MEF2B: variants seen among roughly 807,000 people sequenced by gnomAD.
The protein encoded by MEF2B is myocyte enhancer factor 2B.
MEF2B carries 15 observed loss-of-function variants against 32.2 expected under a neutral mutation model. The ratio of observed to expected loss-of-function variants is 0.47; its 90% CI spans 0.31 to 0.72. The LOEUF (loss-of-function observed/expected upper bound fraction) is 0.72. Ranked by LOEUF, MEF2B falls within the 30% of genes least tolerant of loss-of-function variation. The pLI, the probability that MEF2B is intolerant of heterozygous loss-of-function variation, is 0.05. For synonymous variants in MEF2B, 205 were observed against 225.6 expected, an observed-to-expected ratio of 0.91 and a Z score of 0.82; for missense variants, 441 against 511.5, an observed-to-expected ratio of 0.86 and a Z score of 1.33.
At chr19:19,156,206 T>G (rs547508586) in intron 1 of MEF2B, among the ~76,000 whole-genome samples, 1 of 152,232 alleles carries the variant, frequency 6.6e-6, no homozygotes, top group African/African-American at 2.4e-5. Context: ...AGTAGAAAGC[T>G]TAAGTAGACC....
At chr19:19,159,241 TAA>T (rs35056015) in intron 1 of MEF2B, among the ~76,000 whole-genome samples, 10 of 88,006 alleles carry the variant, frequency 1.1e-4, no homozygotes, top group African/African-American at 3.2e-4. Context: ...GTGCGTGGCC[TAA>T]AAAAAAAAAA....
At chr19:19,150,255 C>A (rs994673192) in intron 2 of MEF2B, among the ~76,000 whole-genome samples, 16 of 150,440 alleles carry the variant, frequency 1.1e-4, no homozygotes, top group African/African-American at 2.0e-4. Flanking sequence ...ACAGACCAGG[C>A]GCGGTGGCTC....
intron 1 of MEF2B, among the ~76,000 whole-genome samples, chr19:19,163,647 TTC>T (rs145649878): frequency 0.031 from 4,776 of 152,114 alleles, 124 homozygotes; most frequent in East Asian, 0.089. Context: ...TTGCTCAGTT[TTC>T]TGTTTTTCTT....
At position 19,158,344 on chromosome 19, in the gene MEF2B, G is replaced by T. The variant is rs62135493; in HGVS notation, c.-29-7580C>A. ...CTCAGGTGATCTGCCCACCTCAGGG[G>T]CCAAAGTGCTGGGATTACAGGCGTG... On this transcript the variant is annotated intron_variant, in intron 1 of 8. Transcript: ENST00000424583. Among the ~76,000 whole-genome samples the T allele has an allele frequency of 1.4e-5, 2 of 147,226 alleles. 1 individual carries two copies. Among genetic ancestry groups the T allele is most frequent in the Admixed American group, 1.3e-4 (2 of 14,890 alleles).
At chr19:19,165,846 C>T (rs2060203602) in intron 1 of MEF2B, among the ~76,000 whole-genome samples, 1 of 152,118 alleles carries the variant, frequency 6.6e-6, no homozygotes, top group Admixed American at 6.5e-5. Flanking sequence ...TACAATCCAC[C>T]TCCATTTCTC....
At chr19:19,170,036 C>A (rs921346149) in intron 1 of MEF2B, among the ~76,000 whole-genome samples, 169 bp downstream of exon 1, 1 of 152,144 alleles carries the variant, frequency 6.6e-6, no homozygotes, top group Admixed American at 6.5e-5. Flanking sequence ...GGAGACACAA[C>A]CCCCTCCTGC....
chr19:19,147,385 T>A lies in MEF2B; in HGVS notation c.394-202A>T, dbSNP rs1167841538. On this transcript the variant is annotated intron_variant, in intron 4 of 8. Transcript: ENST00000424583. ...AGCTTCTGTCTGGCTCTGCCTGTCC[T>A]TGACAGGTAGGTCCAGAGCCAAGAC... is the stretch of plus-strand genomic sequence containing the variant. 7.0e-4 allele frequency among the ~76,000 whole-genome samples: 57 copies of A among 81,700 alleles called. 16 individuals are homozygous for A. The Admixed American group carries it at 7.3e-3, about 11-fold the overall frequency. 53.6% of individuals were successfully genotyped at this position (81,700 alleles called of 152,430 possible).
intron 1 of MEF2B, among the ~76,000 whole-genome samples, chr19:19,158,604 A>G (rs1208071741): frequency 6.7e-6 from 1 of 149,760 alleles, no homozygotes; most frequent in Non-Finnish European, 1.5e-5. Context: ...GGAAAAAAAA[A>G]AAAAAATTAG....
At chr19:19,164,124 T>C (rs548495177) in intron 1 of MEF2B, among the ~76,000 whole-genome samples, 1 of 152,076 alleles carries the variant, frequency 6.6e-6, no homozygotes, top group Non-Finnish European at 1.5e-5. Flanking sequence ...GCCCCCACCA[T>C]GCCCAGCTAA....
At chr19:19,150,353 C>A (rs1420620268) in intron 2 of MEF2B, among the ~76,000 whole-genome samples, 1 of 151,776 alleles carries the variant, frequency 6.6e-6, no homozygotes, top group Admixed American at 6.6e-5. Context: ...CATGGTGAAA[C>A]CCCGTCTCTA....
intron 4 of MEF2B, 128 bp downstream of exon 4, chr19:19,147,570 C>T (rs575464062): frequency 1.3e-6 from 2 of 1,533,104 alleles, no homozygotes; most frequent in Non-Finnish European, 1.8e-6. Context: ...TCCTGACCAA[C>T]CAGGTAGAGA....
chr19:19,148,557 C>T (rs542043354), intron 3 of MEF2B, among the ~76,000 whole-genome samples: 2 of 152,146 alleles, frequency 1.3e-5, no homozygotes, highest in Non-Finnish European at 2.9e-5. Context: ...GGACCCCAAC[C>T]TCTTCTTTGC....
At chr19:19,148,710 TA>T (rs2060048001) in intron 3 of MEF2B, among the ~76,000 whole-genome samples, 1 of 151,172 alleles carries the variant, frequency 6.6e-6, no homozygotes, top group African/African-American at 2.4e-5. Context: ...TTTATTTATT[TA>T]TTTATTTATT....
rs1249937069 is a variant in MEF2B at position 19,145,805 on chromosome 19, G to C, written c.1099C>G (p.Pro367Ala). The C allele has an allele frequency of 6.5e-7, 1 of 1,539,166 alleles. No homozygotes were observed. Among genetic ancestry groups the C allele is most frequent in the Non-Finnish European group, 8.8e-7 (1 of 1,140,696 alleles). Reference sequence around the variant, plus strand: ...TGCCACCGGGTGATCTCCTACCGGGGCCAGCCGTCGGCCAAGGGCAGCCGG... The same window carrying C: ...TGCCACCGGGTGATCTCCTACCGGGCCCAGCCGTCGGCCAAGGGCAGCCGG... Reference protein sequence around the residue: ...LRRLPLADGWPR With the variant: ...LRRLPLADGWAR The change falls in exon 9 of 9, where the codon CCC becomes GCC. Residue 367 changes from proline to alanine, a missense_variant. Pro to Ala is a conservative substitution (Grantham distance 27). Around this residue, in one of 2 missense-constraint regions of MEF2B, gnomAD observed 326 missense variants for 328.4 expected, o/e 0.99. Coordinates refer to ENST00000424583, the MANE Select transcript of MEF2B (RefSeq NM_001145785.2). The surrounding 1 kb of genome is among the most constrained non-coding windows in gnomAD (Gnocchi z 4.6).
intron 1 of MEF2B, among the ~76,000 whole-genome samples, chr19:19,152,381 A>AAAAAAAG (rs2060090152): frequency 1.8e-5 from 1 of 55,292 alleles, no homozygotes. Flanking sequence ...ACTCTGTCTC[A>AAAAAAAG]AAAAAAAAAA....
chr19:19,167,828 C>G (rs1001230294), intron 1 of MEF2B, among the ~76,000 whole-genome samples: 2 of 152,124 alleles, frequency 1.3e-5, no homozygotes, highest in Admixed American at 6.6e-5. Context: ...AGCTGGGCCT[C>G]GTGACCCCAG....
intron 1 of MEF2B, among the ~76,000 whole-genome samples, chr19:19,165,549 C>T (rs981661071): frequency 8.5e-5 from 13 of 152,180 alleles, no homozygotes; most frequent in African/African-American, 2.9e-4. Context: ...GCAAACCCCA[C>T]ACATCTGGGG....
chr19:19,164,547 C>T (rs1196502934), intron 1 of MEF2B, among the ~76,000 whole-genome samples: 1 of 152,252 alleles, frequency 6.6e-6, no homozygotes, highest in East Asian at 1.9e-4. Context: ...GGTGCGGTGG[C>T]TCACGCCTGT....
At chr19:19,168,337 G>A (rs1445353312) in intron 1 of MEF2B, among the ~76,000 whole-genome samples, 2 of 136,320 alleles carry the variant, frequency 1.5e-5, no homozygotes, top group Non-Finnish European at 3.1e-5. Flanking sequence ...GCAATGACAC[G>A]ATCTTCGCTC....
Sources: gnomAD v4.1 joint callset for allele counts (sites outside exome capture counted in the v4.1 genomes callset) on GRCh38, gnomAD v4.1.1 for gene constraint, gnomAD v4.1.1 regional missense constraint, Gnocchi (gnomAD v3.1) non-coding constraint, MANE v1.5 for transcripts, NCBI Gene and HGNC (gene_info 2026-07-23, HGNC 2026-07-21) for gene names.